DMRT3: variants seen among roughly 807,000 people sequenced by gnomAD.
DMRT3 encodes the protein doublesex- and mab-3-related transcription factor 3.
In DMRT3, 29 loss-of-function variants were observed where a neutral mutation model predicts 34.9. The ratio of observed to expected loss-of-function variants is 0.83; its 90% CI spans 0.62 to 1.13. The LOEUF is 1.13. Among genes scored for constraint, DMRT3 ranks in the 50% most tolerant of loss-of-function variants. The pLI is 0.00. For missense variants in DMRT3, 772 were observed against 629.1 expected (o/e 1.23, Z -2.43); for synonymous variants, 350 against 286.0 (o/e 1.22, Z -2.26).
intron 1 of DMRT3, among the ~76,000 whole-genome samples, chr9:987,691 C>T (rs149129152): frequency 0.016 from 2,447 of 152,080 alleles, 30 homozygotes; most frequent in Non-Finnish European, 0.024. Flanking sequence ...TGTTTTTCAT[C>T]CTTTATTCTG....
rs1257559992 is a variant in DMRT3 at position 976,997 on chromosome 9, G to A, written c.-5G>A. Reference sequence around the variant, plus strand: ...AGGCTGCCAACTCATTCGGGAGCCCGGGGCATGAACGGCTACGGCTCCCCC... The same window carrying A: ...AGGCTGCCAACTCATTCGGGAGCCCAGGGCATGAACGGCTACGGCTCCCCC... On this transcript the variant is annotated 5_prime_UTR_variant, in exon 1 of 2. Transcript: ENST00000190165. The surrounding 1 kb of genome is among the most constrained non-coding windows in gnomAD (Gnocchi z 4.5). 7 of 1,485,024 alleles carry A rather than the reference G, an allele frequency of 4.7e-6. No homozygotes were observed. The highest frequency in any genetic ancestry group is 2.9e-5 in the African/African-American group (2 of 69,064). 92.0% of individuals were successfully genotyped at this position (1,485,024 alleles called of 1,614,324 possible).
At chr9:989,865 T>C (rs1243339463) in intron 1 of DMRT3, 176 bp from the exon 2 acceptor site, 6 of 717,728 alleles carry the variant, frequency 8.4e-6, no homozygotes, top group Non-Finnish European at 1.3e-5. Flanking sequence ...TTACAGGGTT[T>C]TTGTTTCATT....
Position 977,244 on chromosome 9 carries a change from G to C in DMRT3, c.243G>C (p.Glu81Asp). 4 of 1,593,968 alleles carry C rather than the reference G, an allele frequency of 2.5e-6. No individual in the cohort carries two copies. Among genetic ancestry groups the C allele is most frequent in the Non-Finnish European group, 3.4e-6 (4 of 1,170,068 alleles). ...QVALRRQQAN[E>D]SLESLIPDSL... is the part of the protein sequence containing the mutation. The stretch of plus-strand genomic sequence containing the variant: ...CGCTGCGCCGGCAGCAGGCCAACGA[G>C]AGCTTGGAGAGCCTCATCCCCGACT... Residue 81 changes from glutamate to aspartate, a missense_variant, in exon 1 of 2, where the codon GAG becomes GAC. Transcript: ENST00000190165.
chr9:985,272 A>T (rs1249591220), intron 1 of DMRT3, among the ~76,000 whole-genome samples: 1 of 152,222 alleles, frequency 6.6e-6, no homozygotes, highest in African/African-American at 2.4e-5. Flanking sequence ...CCTGTTTAAT[A>T]GCTTTGACTT....
rs1820162400 is a variant in DMRT3 at position 977,271 on chromosome 9, G to C, written c.270G>C (p.Ser90=). 8 of 1,521,722 alleles carry C rather than the reference G, an allele frequency of 5.3e-6. No homozygotes were observed. Among genetic ancestry groups the C allele is most frequent in the Non-Finnish European group, 7.1e-6 (8 of 1,129,298 alleles). 94.3% of individuals were successfully genotyped at this position (1,521,722 alleles called of 1,614,324 possible). Residue 90 remains serine (S), a synonymous_variant, in exon 1 of 2, where the codon TCG becomes TCC. Coordinates refer to ENST00000190165, the MANE Select transcript of DMRT3 (RefSeq NM_021240.4). ...GCTTGGAGAGCCTCATCCCCGACTC[G>C]CTGCGCGCTCTGCCAGGGCCCCCGC... ...NESLESLIPD[S]LRALPGPPPP...
Position 990,942 on chromosome 9 carries a change from C to T in DMRT3, c.1356C>T (p.Thr452=), listed in dbSNP as rs1418704495. ...TTGTGTCAAAGCAGTCCATTTACAC[C>T]GAGGACGACTATGACGAGAGGTCTG... ...CPFVSKQSIY[T]EDDYDERSDS... is the part of the protein sequence containing the mutation. The change falls in exon 2 of 2, where the codon ACC becomes ACT. Residue 452 remains threonine (T), a synonymous_variant. Transcript: ENST00000190165. The T allele has an allele frequency of 1.2e-5, 20 of 1,613,938 alleles. No individual in the cohort carries two copies. The highest frequency in any genetic ancestry group is 1.7e-5 in the Admixed American group (1 of 60,000).
chr9:991,102 T>C lies in DMRT3; in HGVS notation c.*97T>C. 6.9e-7 allele frequency: 1 copy of C among 1,454,250 alleles called. No homozygotes were observed. The highest frequency in any genetic ancestry group is 9.2e-7 in the Non-Finnish European group (1 of 1,083,112). 90.1% of individuals were successfully genotyped at this position (1,454,250 alleles called of 1,614,324 possible). On this transcript the variant is annotated 3_prime_UTR_variant, in exon 2 of 2. Transcript: ENST00000190165. ...CCACATCTTGTGTATGCCCTTTCCT[T>C]CTGTTTGACAAAGTGACTGTGCTTG...
chr9:982,948 G>C (rs975113380), intron 1 of DMRT3, among the ~76,000 whole-genome samples: 5 of 152,120 alleles, frequency 3.3e-5, no homozygotes, highest in African/African-American at 9.7e-5. Context: ...CTGATGGCTT[G>C]TGCACGGGTG....
rs1820358192 is a variant in DMRT3 at position 991,042 on chromosome 9, C to T, written c.*37C>T. On this transcript the variant is annotated 3_prime_UTR_variant, in exon 2 of 2. Coordinates refer to ENST00000190165, the MANE Select transcript of DMRT3 (RefSeq NM_021240.4). The stretch of plus-strand genomic sequence containing the variant: ...ATGGGTGGTGGCCAGGTGACATTTT[C>T]TGTGCGTTTTGACCCTGAGGCATCT... The T allele has an allele frequency of 1.3e-6, 2 of 1,574,742 alleles. No homozygotes were observed. The highest frequency in any genetic ancestry group is 1.7e-5 in the Admixed American group (1 of 57,476).
At chr9:982,644 C>G (rs1385232587) in intron 1 of DMRT3, among the ~76,000 whole-genome samples, 1 of 152,214 alleles carries the variant, frequency 6.6e-6, no homozygotes, top group Admixed American at 6.5e-5. Flanking sequence ...CCAGTCAGCA[C>G]TTTCTGCTAA....
Position 977,466 on chromosome 9 carries a change from C to T in DMRT3, c.454+11C>T, listed in dbSNP as rs764271887. On this transcript the variant is annotated intron_variant, in intron 1 of 1. Coordinates refer to ENST00000190165, the MANE Select transcript of DMRT3 (RefSeq NM_021240.4). ...AGCTCGCCAAGCCAGGTAAGAGCGT[C>T]TGAGGTGCGGGAGTTTGGCCGGGCG... 5 of 1,280,888 alleles carry T rather than the reference C, an allele frequency of 3.9e-6. No individual in the cohort carries two copies. Among genetic ancestry groups the T allele is most frequent in the South Asian group, 3.3e-5 (1 of 30,010 alleles). 79.3% of individuals were successfully genotyped at this position (1,280,888 alleles called of 1,614,324 possible). A position where few individuals can be genotyped will look rare whatever the true frequency, so the allele number is the denominator to read the frequency against.
At chr9:986,036 G>C (rs1042510435) in intron 1 of DMRT3, among the ~76,000 whole-genome samples, 15 of 152,338 alleles carry the variant, frequency 9.8e-5, no homozygotes, top group African/African-American at 3.6e-4. Flanking sequence ...CCTGCGGAGA[G>C]AGCATGGAGG....
intron 1 of DMRT3, among the ~76,000 whole-genome samples, chr9:988,514 T>C (rs1055851613): frequency 6.6e-6 from 1 of 152,196 alleles, no homozygotes; most frequent in African/African-American, 2.4e-5. Flanking sequence ...AGAAGATGGT[T>C]TCTAGAAGGT....
Position 990,799 on chromosome 9 carries a change from T to C in DMRT3, c.1213T>C (p.Ser405Pro), listed in dbSNP as rs1820352736. ...GCTGCAGCAGCAGTATCAGCTGAGG[T>C]CCCAGTATGTCAGTCCTTTCCCCAG... ...MTLQQQYQLR[S>P]QYVSPFPSNS... The change falls in exon 2 of 2, where the codon TCC becomes CCC. Residue 405 changes from serine (S) to proline (P), a missense_variant. By Grantham distance (74) the Ser-to-Pro change is moderately conservative (BLOSUM62 -1). Transcript: ENST00000190165. The C allele has an allele frequency of 2.5e-6, 4 of 1,614,114 alleles. No individual in the cohort carries two copies. The East Asian group carries it at 8.9e-5, about 36-fold the overall frequency.
chr9:990,281 T>C lies in DMRT3; in HGVS notation c.695T>C (p.Ile232Thr). 5 of 1,613,720 alleles carry C rather than the reference T, an allele frequency of 3.1e-6. No homozygotes were observed. The highest frequency in any genetic ancestry group is 4.2e-6 in the Non-Finnish European group (5 of 1,180,012). Residue 232 changes from isoleucine (I) to threonine (T), a missense_variant, in exon 2 of 2, where the codon ATT (isoleucine) becomes ACT (threonine). Coordinates refer to ENST00000190165, the MANE Select transcript of DMRT3 (RefSeq NM_021240.4). ...KCHAEQNHLLIEGPSGTVSLP... is the reference protein window; with the variant it reads ...KCHAEQNHLLTEGPSGTVSLP... ...CACGCGGAGCAGAATCACCTCCTGATTGAGGGCCCCTCGGGGACTGTTTCT... is the reference window on the plus strand; with the variant it reads ...CACGCGGAGCAGAATCACCTCCTGACTGAGGGCCCCTCGGGGACTGTTTCT...
chr9:986,563 AAC>A (rs1422330471), intron 1 of DMRT3, among the ~76,000 whole-genome samples: 1 of 152,190 alleles, frequency 6.6e-6, no homozygotes, highest in Non-Finnish European at 1.5e-5. Context: ...TACCTTTTAA[AAC>A]ACAAAGCTAT....
At position 991,149 on chromosome 9, in the gene DMRT3, A is replaced by G; in HGVS notation, c.*144A>G. 8.8e-7 allele frequency: 1 copy of G among 1,139,726 alleles called. No homozygotes were observed. Among genetic ancestry groups the G allele is most frequent in the South Asian group, 1.6e-5 (1 of 63,148 alleles). The allele number at this position is 1,139,726 out of a possible 1,614,324, so 70.6% of individuals were successfully genotyped here. A position where few individuals can be genotyped will look rare whatever the true frequency, so the allele number is the denominator to read the frequency against. The stretch of plus-strand genomic sequence containing the variant: ...CTTGATTCTATACATTAGCAATAAA[A>G]ACATAACTTATTTAACTTCTTGCAC... On this transcript the variant is annotated 3_prime_UTR_variant, in exon 2 of 2. Transcript: ENST00000190165.
In DMRT3 at chr9:990,121, A is replaced by C; in HGVS notation, c.535A>C (p.Ser179Arg). The C allele has an allele frequency of 6.2e-7, 1 of 1,614,026 alleles. No homozygotes were observed. Among genetic ancestry groups the C allele is most frequent in the Non-Finnish European group, 8.5e-7 (1 of 1,180,018 alleles). Residue 179 changes from serine (S) to arginine (R), a missense_variant, in exon 2 of 2, where the codon AGT becomes CGT. Coordinates refer to ENST00000190165, the MANE Select transcript of DMRT3 (RefSeq NM_021240.4). ...CAGTGACAAAGACACTGACCAGAGG[A>C]GTTCCCCAGATGTGGCAAAGAGTAA... is the stretch of plus-strand genomic sequence containing the variant. ...VFSDKDTDQR[S>R]SPDVAKSKGC...
In DMRT3 at chr9:977,375, C is replaced by T. The variant is rs1448655572; in HGVS notation, c.374C>T (p.Ala125Val). ...CAGCCGCAGCCGCCGCGCCCTGCTG[C>T]CGAGTTGGCCGCGGCCGCCGCGCTG... The part of the protein sequence containing the change: ...PSQPQPPRPA[A>V]ELAAAAALRW... The change falls in exon 1 of 2, where the codon GCC (alanine) becomes GTC (valine). Residue 125 changes from alanine to valine, a missense_variant. Physicochemically the swap from Ala to Val is moderately conservative, Grantham distance 64. Transcript: ENST00000190165. 4.1e-6 allele frequency: 5 copies of T among 1,228,730 alleles called. No homozygotes were observed. In the African/African-American group the frequency reaches 6.2e-5, roughly 15 times the overall value. The allele number at this position is 1,228,730 out of a possible 1,614,324, so 76.1% of individuals were successfully genotyped here. A position where few individuals can be genotyped will look rare whatever the true frequency, so the allele number is the denominator to read the frequency against.
Sources: allele counts gnomAD v4.1 joint callset (sites outside exome capture counted in the v4.1 genomes callset), GRCh38; gene constraint gnomAD v4.1.1; non-coding constraint Gnocchi (gnomAD v3.1); transcripts MANE v1.5; gene names NCBI Gene and HGNC (gene_info 2026-07-23, HGNC 2026-07-21).